The following KCND2 variants were observed in gnomAD, a reference collection of about 807,000 sequenced individuals.
KCND2 encodes the protein potassium voltage-gated channel subfamily D member 2.
Under a neutral mutation model 54.4 loss-of-function variants are expected in KCND2, and 16 were observed. The observed-to-expected ratio is 0.29, with a 90% confidence interval of 0.20 to 0.45. KCND2 has a LOEUF of 0.45. Among genes scored for constraint, KCND2 ranks in the 20% least tolerant of loss-of-function variants. The pLI is 1.00. For synonymous variants in KCND2, 317 were observed against 310.7 expected, an observed-to-expected ratio of 1.02 and a Z score of -0.21; for missense variants, 486 against 824.2, an observed-to-expected ratio of 0.59 and a Z score of 5.02.
chr7:120,729,266 G>C (rs759783364), intron 1 of KCND2, among the ~76,000 whole-genome samples: 2 of 152,186 alleles, frequency 1.3e-5, no homozygotes, highest in African/African-American at 4.8e-5. Context: ...GACAAAATGA[G>C]TAATGTAAAA....
In KCND2 at chr7:120,748,976, T is replaced by G. The variant is rs1333950147; in HGVS notation, c.*1118T>G. On this transcript the variant is annotated 3_prime_UTR_variant, in exon 6 of 6. Coordinates refer to ENST00000331113, the MANE Select transcript of KCND2 (RefSeq NM_012281.3). ...TGTCGAAAACTAGAAAAAAAGGAGT[T>G]GACCCATATAAATTATCTCTAACGT... 6.6e-6 allele frequency: 1 copy of G among 151,936 alleles called. No individual in the cohort carries two copies. The highest frequency in any genetic ancestry group is 1.9e-4 in the East Asian group (1 of 5,188). 9.4% of individuals were successfully genotyped at this position (151,936 alleles called of 1,614,324 possible).
At chr7:120,607,108 C>T (rs1792891347) in intron 1 of KCND2, among the ~76,000 whole-genome samples, 1 of 152,020 alleles carries the variant, frequency 6.6e-6, no homozygotes, top group Non-Finnish European at 1.5e-5. Context: ...TTTTAAGGCT[C>T]CTAGGGAACT....
intron 1 of KCND2, among the ~76,000 whole-genome samples, chr7:120,451,860 A>G (rs1802115911): frequency 1.3e-5 from 2 of 152,238 alleles, no homozygotes; most frequent in African/African-American, 4.8e-5. Flanking sequence ...ACCAGCTTAG[A>G]AGAATTTTCA....
At chr7:120,695,735 G>A (rs369440248) in intron 1 of KCND2, among the ~76,000 whole-genome samples, 63 of 152,216 alleles carry the variant, frequency 4.1e-4, no homozygotes, top group African/African-American at 1.1e-3. Flanking sequence ...CTTCCAATCC[G>A]TTCCCTCTGC....
At chr7:120,319,435 A>C (rs1323952941) in intron 1 of KCND2, among the ~76,000 whole-genome samples, 1 of 152,096 alleles carries the variant, frequency 6.6e-6, no homozygotes, top group Non-Finnish European at 1.5e-5. Flanking sequence ...ATTCTTATTA[A>C]CATTAGGCAC....
At chr7:120,287,403 C>A (rs1254070942) in intron 1 of KCND2, among the ~76,000 whole-genome samples, 2 of 152,048 alleles carry the variant, frequency 1.3e-5, no homozygotes, top group Admixed American at 1.3e-4. Context: ...TCTGGGAGTT[C>A]ACCTAAAGCA....
chr7:120,342,471 A>G (rs1000992826), intron 1 of KCND2, among the ~76,000 whole-genome samples: 2 of 152,168 alleles, frequency 1.3e-5, no homozygotes, highest in African/African-American at 4.8e-5. Flanking sequence ...TCATGAACTC[A>G]TTCATACACC....
At chr7:120,312,546 A>G (rs1009730699) in intron 1 of KCND2, among the ~76,000 whole-genome samples, 2 of 152,170 alleles carry the variant, frequency 1.3e-5, no homozygotes, top group African/African-American at 4.8e-5. Flanking sequence ...TCTGGAAAGG[A>G]TATTTGATTC....
intron 1 of KCND2, among the ~76,000 whole-genome samples, chr7:120,448,792 T>C (rs1802057504): frequency 6.6e-6 from 1 of 152,140 alleles, no homozygotes; most frequent in Admixed American, 6.5e-5. Context: ...ATAAATGTAA[T>C]CCATCATATA....
At chr7:120,727,097 A>G (rs1020902437) in intron 1 of KCND2, among the ~76,000 whole-genome samples, 1 of 152,152 alleles carries the variant, frequency 6.6e-6, no homozygotes, top group Admixed American at 6.6e-5. Context: ...TAACATTTGT[A>G]CTCTATCAAA....
chr7:120,671,543 C>T (rs1791993809), intron 1 of KCND2, among the ~76,000 whole-genome samples: 2 of 152,022 alleles, frequency 1.3e-5, no homozygotes, highest in South Asian at 4.1e-4. Flanking sequence ...AATAAGCCAA[C>T]TCACTGTACA....
At chr7:120,305,766 A>G (rs1563003435) in intron 1 of KCND2, among the ~76,000 whole-genome samples, 1 of 152,158 alleles carries the variant, frequency 6.6e-6, no homozygotes, top group Non-Finnish European at 1.5e-5. Flanking sequence ...TCCCAGAGGT[A>G]TTATGTAGAA....
At chr7:120,647,246 A>G (rs141491771) in intron 1 of KCND2, among the ~76,000 whole-genome samples, 4 of 152,188 alleles carry the variant, frequency 2.6e-5, no homozygotes, top group Non-Finnish European at 5.9e-5. Flanking sequence ...TTCAGCGCAT[A>G]GAGTTTGCTT....
At chr7:120,409,993 A>C (rs919502602) in intron 1 of KCND2, among the ~76,000 whole-genome samples, 8 of 151,848 alleles carry the variant, frequency 5.3e-5, no homozygotes, top group Non-Finnish European at 1.2e-4. Context: ...TATGTTTTTC[A>C]TAATTTTTTG....
At chr7:120,471,860 A>G (rs1013680446) in intron 1 of KCND2, among the ~76,000 whole-genome samples, 1 of 152,052 alleles carries the variant, frequency 6.6e-6, no homozygotes, top group African/African-American at 2.4e-5. Context: ...AATACTCAGT[A>G]AAACAAAATG....
At chr7:120,602,430 G>A (rs190380034) in intron 1 of KCND2, among the ~76,000 whole-genome samples, 6 of 152,126 alleles carry the variant, frequency 3.9e-5, no homozygotes, top group African/African-American at 1.4e-4. Flanking sequence ...AATATGCCTG[G>A]ACAGAGGTAT....
intron 1 of KCND2, among the ~76,000 whole-genome samples, chr7:120,375,149 C>T (rs990841100): frequency 6.6e-6 from 1 of 151,706 alleles, no homozygotes; most frequent in South Asian, 2.1e-4. Flanking sequence ...ATAAATAATC[C>T]ACAACCAGTA....
intron 1 of KCND2, among the ~76,000 whole-genome samples, chr7:120,485,948 A>G (rs1253418418): frequency 6.6e-6 from 1 of 152,192 alleles, no homozygotes; most frequent in Non-Finnish European, 1.5e-5. Context: ...AACAGGTCTG[A>G]ACTGTTTAGA....
chr7:120,274,078 A>T lies in KCND2; in HGVS notation c.-555A>T, dbSNP rs1584705804. 6.4e-6 allele frequency: 1 copy of T among 156,920 alleles called. No homozygotes were observed. Among genetic ancestry groups the T allele is most frequent in the East Asian group, 1.9e-4 (1 of 5,312 alleles). The allele number at this position is 156,920 out of a possible 1,614,324, so 9.7% of individuals were successfully genotyped here. The stretch of plus-strand genomic sequence containing the variant: ...AGAGAGACGTGGGGCAGCGGCTGTG[A>T]CCGCATCTCCTGAGCTACAACAACA... On this transcript the variant is annotated 5_prime_UTR_variant, in exon 1 of 6. Transcript: ENST00000331113.
Sources: allele counts gnomAD v4.1 joint callset (sites outside exome capture counted in the v4.1 genomes callset), GRCh38; gene constraint gnomAD v4.1.1; transcripts MANE v1.5; gene names NCBI Gene and HGNC (gene_info 2026-07-23, HGNC 2026-07-21).